The following DMRT1 variants were observed in gnomAD, a reference collection of about 807,000 sequenced individuals.
The protein encoded by DMRT1 is doublesex- and mab-3-related transcription factor 1.
Under a neutral mutation model 32.3 loss-of-function variants are expected in DMRT1, and 7 were observed. The observed-to-expected ratio is 0.22, with a 90% CI of 0.12 to 0.41. DMRT1 has a LOEUF of 0.41. Among genes scored for constraint, DMRT1 ranks in the 10% least tolerant of loss-of-function variants. The pLI is 1.00. For synonymous variants in DMRT1, 278 were observed against 206.1 expected (o/e 1.35, Z -2.99); for missense variants, 625 against 500.5 (o/e 1.25, Z -2.37).
intron 2 of DMRT1, among the ~76,000 whole-genome samples, chr9:863,912 C>T (rs1815841994): frequency 6.6e-6 from 1 of 152,226 alleles, no homozygotes; most frequent in African/African-American, 2.4e-5. Context: ...TCAAGAATTT[C>T]CTTATTTATT....
At chr9:916,610 G>A (rs1042388677) in intron 3 of DMRT1, among the ~76,000 whole-genome samples, 153 bp from the exon 4 acceptor site, 6 of 152,166 alleles carry the variant, frequency 3.9e-5, no homozygotes, top group East Asian at 1.9e-4. Context: ...GGGCTCAAGC[G>A]ATCCTCCCGC....
rs1454525005 is a variant in DMRT1 at position 871,771 on chromosome 9, G to C, written c.539-22141G>C. ...TTACAGGCGTGAGCAACCGTGCCTG[G>C]CCGGCCTAGTCTTTGAACTCTTAAA... On this transcript the variant is annotated intron_variant, in intron 2 of 4. Coordinates refer to ENST00000382276, the MANE Select transcript of DMRT1 (RefSeq NM_021951.3). Among the ~76,000 whole-genome samples, 2 of 151,266 alleles carry C rather than the reference G, an allele frequency of 1.3e-5. 1 individual carries two copies. Among genetic ancestry groups the C allele is most frequent in the African/African-American group, 4.9e-5 (2 of 40,616 alleles).
intron 2 of DMRT1, among the ~76,000 whole-genome samples, chr9:867,557 C>G (rs1405331887): frequency 6.6e-6 from 1 of 152,172 alleles, no homozygotes; most frequent in African/African-American, 2.4e-5. Context: ...TACGGCAACT[C>G]TGTAAATAGG....
In DMRT1 at chr9:841,707, C is replaced by T; in HGVS notation, c.-132C>T. The T allele has an allele frequency of 2.0e-6, 3 of 1,533,242 alleles. No homozygotes were observed. Among genetic ancestry groups the T allele is most frequent in the Non-Finnish European group, 1.8e-6 (2 of 1,139,036 alleles). The allele number at this position is 1,533,242 out of a possible 1,614,324, so 95.0% of individuals were successfully genotyped here. A position where few individuals can be genotyped will look rare whatever the true frequency, so the allele number is the denominator to read the frequency against. On this transcript the variant is annotated 5_prime_UTR_variant, in exon 1 of 5. Coordinates refer to ENST00000382276, the MANE Select transcript of DMRT1 (RefSeq NM_021951.3). ...TGCCCAGACCTCGCCACTCCAGCTG[C>T]GCCTCCGGCTGCAGCGCACACGTCT... is the stretch of plus-strand genomic sequence containing the variant.
chr9:884,399 T>C (rs1485905155), intron 2 of DMRT1, among the ~76,000 whole-genome samples: 1 of 148,608 alleles, frequency 6.7e-6, no homozygotes, highest in African/African-American at 2.5e-5. Context: ...AGAGGGATTG[T>C]GAAGCCCTAT....
intron 2 of DMRT1, among the ~76,000 whole-genome samples, chr9:879,982 T>C (rs1816665191): frequency 6.6e-6 from 1 of 152,238 alleles, no homozygotes; most frequent in African/African-American, 2.4e-5. Context: ...GTCATCCACA[T>C]AGTGGGGGGC....
chr9:864,942 G>T (rs1815912197), intron 2 of DMRT1, among the ~76,000 whole-genome samples: 1 of 152,142 alleles, frequency 6.6e-6, no homozygotes, highest in African/African-American at 2.4e-5. Context: ...AATAAACTGT[G>T]GTATGGCCGT....
chr9:927,217 G>A (rs73380434), intron 4 of DMRT1, among the ~76,000 whole-genome samples: 11 of 152,276 alleles, frequency 7.2e-5, no homozygotes, highest in African/African-American at 2.4e-4. Context: ...TCCTTCTTTC[G>A]GCCGGCCGCT....
rs374780951 is a variant in DMRT1, at chr9:950,516, T to C, written c.968-17469T>C. 1.9e-3 allele frequency among the ~76,000 whole-genome samples: 284 copies of C among 152,242 alleles called. 3 individuals carry two copies. The highest frequency in any genetic ancestry group is 6.6e-3 in the African/African-American group (273 of 41,544). ...AATCTGTCAAGTAAGGATGTTAATA[T>C]CCACCTCCCCAAAGGGTTTTTGTGA... On this transcript the variant is annotated intron_variant, in intron 4 of 4. Coordinates refer to ENST00000382276, the MANE Select transcript of DMRT1 (RefSeq NM_021951.3).
At chr9:871,401 C>G (rs182240935) in intron 2 of DMRT1, among the ~76,000 whole-genome samples, 1 of 150,976 alleles carries the variant, frequency 6.6e-6, no homozygotes, top group East Asian at 2.0e-4. Flanking sequence ...GGCACAATCT[C>G]GGCTCACTGC....
chr9:955,688 A>T (rs1259423544), intron 4 of DMRT1, among the ~76,000 whole-genome samples: 1 of 152,228 alleles, frequency 6.6e-6, no homozygotes, highest in Non-Finnish European at 1.5e-5. Flanking sequence ...GGCTGTGGGT[A>T]TGAAACCCTG....
intron 3 of DMRT1, among the ~76,000 whole-genome samples, chr9:915,725 GT>G (rs987534964): frequency 7.9e-5 from 12 of 151,446 alleles, no homozygotes; most frequent in African/African-American, 2.4e-4. Flanking sequence ...TTATTTATTT[GT>G]TTTTTTTAAT....
At chr9:943,907 G>A (rs2129922142) in intron 4 of DMRT1, among the ~76,000 whole-genome samples, 1 of 152,320 alleles carries the variant, frequency 6.6e-6, no homozygotes, top group African/African-American at 2.4e-5. Flanking sequence ...TGGCTTTTGG[G>A]CTTAAGCACT....
intron 3 of DMRT1, among the ~76,000 whole-genome samples, chr9:900,403 C>T (rs1351782180): frequency 6.6e-6 from 1 of 151,968 alleles, no homozygotes; most frequent in African/African-American, 2.4e-5. Flanking sequence ...TTAAGTGTAG[C>T]TCAGCATCAG....
intron 2 of DMRT1, among the ~76,000 whole-genome samples, chr9:849,723 C>G (rs991812557): frequency 1.7e-4 from 26 of 152,154 alleles, no homozygotes; most frequent in African/African-American, 5.8e-4. Context: ...AGGGAAGGGG[C>G]ATGTGGAAGC....
chr9:916,624 G>C (rs548087719), intron 3 of DMRT1, 139 bp from the exon 4 acceptor site: 31 of 1,001,434 alleles, frequency 3.1e-5, no homozygotes, highest in Non-Finnish European at 4.5e-5. Flanking sequence ...CTCCCGCCCT[G>C]GCCTCCCAAG....
At chr9:925,624 C>T (rs959423819) in intron 4 of DMRT1, among the ~76,000 whole-genome samples, 1 of 152,206 alleles carries the variant, frequency 6.6e-6, no homozygotes, top group African/African-American at 2.4e-5. Flanking sequence ...GCTCTTTCTT[C>T]TAGTATATCC....
At chr9:853,792 A>G (rs1345648411) in intron 2 of DMRT1, among the ~76,000 whole-genome samples, 1 of 148,526 alleles carries the variant, frequency 6.7e-6, no homozygotes, top group Non-Finnish European at 1.5e-5. Context: ...GGCATGAGCC[A>G]CCAGGACTGG....
intron 2 of DMRT1, among the ~76,000 whole-genome samples, chr9:864,974 A>G (rs1815913899): frequency 6.6e-6 from 1 of 152,182 alleles, no homozygotes; most frequent in African/African-American, 2.4e-5. Flanking sequence ...GGGGAGATAT[A>G]CTGTCCAGTC....
Sources: gnomAD v4.1 joint callset for allele counts (sites outside exome capture counted in the v4.1 genomes callset) on GRCh38, gnomAD v4.1.1 for gene constraint, MANE v1.5 for transcripts, NCBI Gene and HGNC (gene_info 2026-07-23, HGNC 2026-07-21) for gene names.